PMFBP1: variants seen among roughly 807,000 people sequenced by gnomAD.
PMFBP1 encodes the protein polyamine-modulated factor 1-binding protein 1.
In PMFBP1, 131 loss-of-function variants were observed where a neutral mutation model predicts 137.8. The ratio of observed to expected loss-of-function variants is 0.95; its 90% CI spans 0.82 to 1.10. The LOEUF (loss-of-function observed/expected upper bound fraction) is 1.10, where lower values mean the gene tolerates loss of function less well. Ranked by LOEUF, PMFBP1 falls within the 50% of genes least tolerant of loss-of-function variation. PMFBP1 has a pLI of 0.00. For missense variants in PMFBP1, 1,199 were observed against 1,175.4 expected (o/e 1.02, Z -0.29); for synonymous variants, 490 against 450.4 (o/e 1.09, Z -1.11).
At chr16:72,211,536 G>A in the PMFBP1 span, among the ~76,000 whole-genome samples, 1 of 151,980 alleles carries the variant, frequency 6.6e-6, no homozygotes, top group Non-Finnish European at 1.5e-5. Context: ...ACCTCTGAAT[G>A]AAAGGAAACA....
In PMFBP1 at chr16:72,130,749, G is replaced by A. The variant is rs762531076; in HGVS notation, c.1448-27C>T. On this transcript the variant is annotated intron_variant, in intron 10 of 20. Transcript: ENST00000237353. ...TGCAGAAGCAGGGAGATGGCCATGT[G>A]AGAAGGGAGGGTGTATGAAGATCAC... 3.8e-6 allele frequency: 6 copies of A among 1,587,976 alleles called. No individual in the cohort carries two copies. The South Asian group carries it at 5.7e-5, about 15-fold the overall frequency.
intron 5 of PMFBP1, among the ~76,000 whole-genome samples, chr16:72,142,357 T>C (rs761028861): frequency 6.6e-5 from 10 of 152,182 alleles, no homozygotes; most frequent in Admixed American, 2.0e-4. Context: ...TGAAGAAAAA[T>C]GTAGATCTTC....
chr16:72,169,359 T>G (rs2043189033), intron 2 of PMFBP1, among the ~76,000 whole-genome samples: 1 of 152,220 alleles, frequency 6.6e-6, no homozygotes, highest in South Asian at 2.1e-4. Flanking sequence ...TACAGTAATT[T>G]TAAACACTAT....
At chr16:72,153,464 G>A (rs1302656142) in intron 4 of PMFBP1, among the ~76,000 whole-genome samples, 1 of 151,830 alleles carries the variant, frequency 6.6e-6, no homozygotes, top group African/African-American at 2.4e-5. Context: ...GAAAGAAAAT[G>A]CCAGGGGAAA....
At chr16:72,164,739 G>A (rs1436760382) in intron 3 of PMFBP1, 25 bp downstream of exon 3, 3 of 1,571,082 alleles carry the variant, frequency 1.9e-6, no homozygotes, top group South Asian at 2.3e-5. Context: ...GAGCAGGGGT[G>A]AGCGGCTGCT....
intron 3 of PMFBP1, chr16:72,164,464 T>C (rs774243537): frequency 3.6e-6 from 5 of 1,391,366 alleles, no homozygotes; most frequent in Admixed American, 2.2e-5. Context: ...ATCACTATGA[T>C]CTGATATTTT....
At chr16:72,176,461 A>G (rs1052227179), upstream of PMFBP1, among the ~76,000 whole-genome samples, 1 of 152,234 alleles carries the variant, frequency 6.6e-6, no homozygotes, top group African/African-American at 2.4e-5. Context: ...CCTCTCTTGC[A>G]GCTAGGTATG....
intron 14 of PMFBP1, 129 bp downstream of exon 14, chr16:72,128,528 G>A (rs2042496191): frequency 1.9e-6 from 3 of 1,574,550 alleles, no homozygotes; most frequent in South Asian, 1.2e-5. Flanking sequence ...AGAGCTGTAG[G>A]TGGCCCAGGA....
At chr16:72,156,752 A>G (rs1237114833) in intron 3 of PMFBP1, among the ~76,000 whole-genome samples, 1 of 152,156 alleles carries the variant, frequency 6.6e-6, no homozygotes, top group Non-Finnish European at 1.5e-5. Flanking sequence ...GGCAATTACG[A>G]ATACTGCTGC....
At chr16:72,235,850 C>T in the PMFBP1 span, among the ~76,000 whole-genome samples, 1 of 152,070 alleles carries the variant, frequency 6.6e-6, no homozygotes, top group Non-Finnish European at 1.5e-5. Context: ...TGTCGTGCAA[C>T]ACTGCTGAAC....
the PMFBP1 span, among the ~76,000 whole-genome samples, chr16:72,244,162 G>A: frequency 6.6e-6 from 1 of 152,036 alleles, no homozygotes; most frequent in African/African-American, 2.4e-5. Context: ...AAATTAAAGT[G>A]ATCACATTAA....
chr16:72,215,149 T>C, the PMFBP1 span, among the ~76,000 whole-genome samples: 1 of 152,130 alleles, frequency 6.6e-6, no homozygotes, highest in Non-Finnish European at 1.5e-5. Context: ...CCAATGCATG[T>C]CTAACAGAAA....
chr16:72,137,390 T>C (rs570729564), intron 7 of PMFBP1, among the ~76,000 whole-genome samples: 1 of 151,616 alleles, frequency 6.6e-6, no homozygotes, highest in South Asian at 2.1e-4. Context: ...TTATAGAAAA[T>C]GTTAACAGTG....
the PMFBP1 span, among the ~76,000 whole-genome samples, chr16:72,244,102 G>T: frequency 6.6e-6 from 1 of 152,076 alleles, no homozygotes; most frequent in African/African-American, 2.4e-5. Context: ...ACAATTAAAC[G>T]TGTGCTCAAA....
the PMFBP1 span, among the ~76,000 whole-genome samples, chr16:72,214,575 G>T: frequency 6.6e-6 from 1 of 152,154 alleles, no homozygotes; most frequent in Admixed American, 6.5e-5. Context: ...GAAATTCAGT[G>T]TCTAGAAACA....
At chr16:72,155,869 T>A (rs2042973214) in intron 3 of PMFBP1, among the ~76,000 whole-genome samples, 1 of 152,150 alleles carries the variant, frequency 6.6e-6, no homozygotes. Flanking sequence ...TGCTCCCTCC[T>A]CCAGCTCCAG....
At chr16:72,124,421 GA>G (rs1380535491) in intron 17 of PMFBP1, among the ~76,000 whole-genome samples, 3 of 152,238 alleles carry the variant, frequency 2.0e-5, no homozygotes, top group Admixed American at 2.0e-4. Flanking sequence ...GACAAGCCCA[GA>G]AGGTCACTTA....
At chr16:72,143,776 C>T (rs1332410422) in intron 5 of PMFBP1, among the ~76,000 whole-genome samples, 1 of 146,070 alleles carries the variant, frequency 6.8e-6, no homozygotes, top group African/African-American at 2.5e-5. Context: ...TGTGGTGGCT[C>T]ATGCCTGTAA....
the PMFBP1 span, among the ~76,000 whole-genome samples, chr16:72,187,754 T>G: frequency 6.6e-6 from 1 of 152,240 alleles, no homozygotes; most frequent in Non-Finnish European, 1.5e-5. Context: ...CTGGTGTGGA[T>G]GTGAAATTGG....
Sources: allele counts gnomAD v4.1 joint callset (sites outside exome capture counted in the v4.1 genomes callset), GRCh38; gene constraint gnomAD v4.1.1; transcripts MANE v1.5; gene names NCBI Gene and HGNC (gene_info 2026-07-23, HGNC 2026-07-21).